The following CSTPP1 variants were observed in gnomAD, a reference collection of about 807,000 sequenced individuals.
CSTPP1 encodes centriolar satellite-associated tubulin polyglutamylase complex regulator 1, also known as UPF0705 protein C11orf49.
At chr11:47,052,366 T>G in the CSTPP1 span, 5 of 1,607,880 alleles carry the variant, frequency 3.1e-6, no homozygotes, top group South Asian at 4.5e-5. Context: ...TAACAATGAC[T>G]TCTTGACTTT....
the CSTPP1 span, chr11:47,164,371 C>G: frequency 5.1e-6 from 6 of 1,177,300 alleles, no homozygotes; most frequent in Non-Finnish European, 7.0e-6. Context: ...TCAATACAAA[C>G]AGTCCAGAAA....
chr11:46,966,123 A>G, the CSTPP1 span, among the ~76,000 whole-genome samples: 1 of 152,118 alleles, frequency 6.6e-6, no homozygotes, highest in Non-Finnish European at 1.5e-5. Context: ...GCTCACTGCA[A>G]CCTCTACCTC....
At chr11:46,965,031 A>G in the CSTPP1 span, among the ~76,000 whole-genome samples, 1 of 152,152 alleles carries the variant, frequency 6.6e-6, no homozygotes. Flanking sequence ...TGAGTGCACA[A>G]ATTTTAAGAC....
the CSTPP1 span, among the ~76,000 whole-genome samples, chr11:47,140,163 G>GT: frequency 6.6e-6 from 1 of 152,042 alleles, no homozygotes; most frequent in Non-Finnish European, 1.5e-5. Context: ...AATTTTGTAG[G>GT]TTTTTTTCTC....
the CSTPP1 span, among the ~76,000 whole-genome samples, chr11:47,099,854 T>C: frequency 1.3e-5 from 2 of 152,226 alleles, no homozygotes; most frequent in African/African-American, 2.4e-5. Context: ...CAAATCAGTA[T>C]TGGAACACAG....
the CSTPP1 span, chr11:47,162,175 A>G: frequency 1.0e-6 from 1 of 985,690 alleles, no homozygotes; most frequent in South Asian, 4.7e-5. Flanking sequence ...AAACTGCTTC[A>G]AGTCTTGACC....
At chr11:47,120,393 GC>G in the CSTPP1 span, among the ~76,000 whole-genome samples, 1 of 152,096 alleles carries the variant, frequency 6.6e-6, no homozygotes, top group Admixed American at 6.5e-5. The surrounding 1 kb of genome is among the most constrained non-coding windows in gnomAD (Gnocchi z 4.2). Flanking sequence ...CCTCACTTGA[GC>G]AAGCCACTTA....
chr11:47,160,952 C>T, the CSTPP1 span: 6 of 752,178 alleles, frequency 8.0e-6, no homozygotes, highest in East Asian at 1.4e-4. Flanking sequence ...CAAGCAACAG[C>T]GAGCACCTTC....
At chr11:47,012,577 A>G in the CSTPP1 span, among the ~76,000 whole-genome samples, 4 of 152,136 alleles carry the variant, frequency 2.6e-5, no homozygotes, top group Non-Finnish European at 5.9e-5. Flanking sequence ...AGGAAGAGAA[A>G]AAAGAAAAAG....
chr11:47,052,449 AC>A, the CSTPP1 span: 5 of 1,613,746 alleles, frequency 3.1e-6, no homozygotes, highest in Admixed American at 5.0e-5. Context: ...CGTCCAAGCC[AC>A]CCCCCACAAT....
chr11:47,033,162 G>A, the CSTPP1 span, among the ~76,000 whole-genome samples: 3 of 152,274 alleles, frequency 2.0e-5, no homozygotes, highest in Admixed American at 2.0e-4. Context: ...GGAAGAAGAG[G>A]TGGAGATTGT....
At chr11:47,058,793 A>C in the CSTPP1 span, among the ~76,000 whole-genome samples, 1 of 152,214 alleles carries the variant, frequency 6.6e-6, no homozygotes, top group African/African-American at 2.4e-5. Context: ...AGGAGAAGCC[A>C]TGAAGTCTGA....
the CSTPP1 span, among the ~76,000 whole-genome samples, chr11:46,949,336 A>G: frequency 6.6e-6 from 1 of 152,228 alleles, no homozygotes; most frequent in Non-Finnish European, 1.5e-5. Flanking sequence ...TGTCTTCTAA[A>G]GTCTCACATA....
At chr11:46,971,159 G>A in the CSTPP1 span, among the ~76,000 whole-genome samples, 20 of 152,256 alleles carry the variant, frequency 1.3e-4, no homozygotes, top group Non-Finnish European at 2.2e-4. Context: ...ATAAGAGGGC[G>A]CTTATCCTGT....
the CSTPP1 span, among the ~76,000 whole-genome samples, chr11:47,091,685 A>G: frequency 1.3e-5 from 2 of 152,198 alleles, no homozygotes; most frequent in Non-Finnish European, 2.9e-5. Context: ...GTGAACCCTA[A>G]ATGTAATCAC....
chr11:47,138,028 C>G, the CSTPP1 span: 2 of 416,582 alleles, frequency 4.8e-6, no homozygotes, highest in Non-Finnish European at 8.6e-6. Flanking sequence ...CACACACACC[C>G]TAGAGGATAT....
the CSTPP1 span, among the ~76,000 whole-genome samples, chr11:47,006,355 T>C: frequency 6.6e-6 from 1 of 152,220 alleles, no homozygotes; most frequent in African/African-American, 2.4e-5. Flanking sequence ...TCTTGCTTCT[T>C]TGAAAATAAT....
the CSTPP1 span, among the ~76,000 whole-genome samples, chr11:47,077,434 A>T: frequency 6.6e-6 from 1 of 152,128 alleles, no homozygotes; most frequent in Non-Finnish European, 1.5e-5. Context: ...TCCTGACCTC[A>T]GGTGATCTGC....
chr11:47,158,489 TAAGAG>T, the CSTPP1 span, among the ~76,000 whole-genome samples: 1 of 152,176 alleles, frequency 6.6e-6, no homozygotes, highest in Non-Finnish European at 1.5e-5. Flanking sequence ...ACTGCTCTCC[TAAGAG>T]AAGAGCCAGT....
Sources: gnomAD v4.1 joint callset for allele counts (sites outside exome capture counted in the v4.1 genomes callset) on GRCh38, gnomAD v4.1.1 for gene constraint, Gnocchi (gnomAD v3.1) non-coding constraint, MANE v1.5 for transcripts, NCBI Gene and HGNC (gene_info 2026-07-23, HGNC 2026-07-21) for gene names.